Variants in SMURF2 observed in about 807,000 individuals in gnomAD.
SMURF2 encodes E3 ubiquitin-protein ligase SMURF2.
SMURF2 carries 48 observed loss-of-function variants against 109.6 expected under a neutral mutation model. That is an observed-to-expected ratio of 0.44 (90% CI 0.35 to 0.56). SMURF2 has a LOEUF of 0.56. Ranked by LOEUF, SMURF2 falls within the 20% of genes least tolerant of loss-of-function variation. The probability of loss-of-function intolerance (pLI) is 0.01; values close to 1 mark genes in which losing one functional copy is unlikely to be tolerated. For missense variants in SMURF2, 575 were observed against 909.0 expected, an observed-to-expected ratio of 0.63 and a Z score of 4.72; for synonymous variants, 288 against 317.1, an observed-to-expected ratio of 0.91 and a Z score of 0.97.
Position 64,581,892 on chromosome 17 carries a change from C to G in SMURF2, c.570-901G>C, listed in dbSNP as rs1193942620. ...TCCAGGAGGCAGAGGTTGCAGTGGG[C>G]AGAGGTTGCAGTGAGCCGAGATCGT... On this transcript the variant is annotated intron_variant, in intron 7 of 18. Transcript: ENST00000262435. The surrounding 1 kb of genome is among the most constrained non-coding windows in gnomAD (Gnocchi z 4.3). Among the ~76,000 whole-genome samples the G allele has an allele frequency of 6.7e-6, 1 of 150,146 alleles. No homozygotes were observed. The highest frequency in any genetic ancestry group is 1.5e-5 in the Non-Finnish European group (1 of 67,696).
chr17:64,583,353 G>A (rs1477943434), intron 7 of SMURF2, 108 bp downstream of exon 7: 3 of 834,664 alleles, frequency 3.6e-6, no homozygotes, highest in Non-Finnish European at 6.0e-6. Context: ...ACTGATCTAC[G>A]ACAGCAAAAA....
chr17:64,565,612 G>GA (rs576121373), intron 10 of SMURF2, among the ~76,000 whole-genome samples: 10,556 of 144,768 alleles, frequency 0.073, 744 homozygotes, highest in African/African-American at 0.19. Context: ...AACATGAAGG[G>GA]AAAAAAAAAA....
intron 10 of SMURF2, among the ~76,000 whole-genome samples, chr17:64,568,954 A>G (rs1308446419): frequency 2.0e-5 from 3 of 151,814 alleles, no homozygotes. Context: ...GTGAGCTGAG[A>G]TAGCACCACT....
At chr17:64,649,473 G>C (rs1227139231) in intron 1 of SMURF2, among the ~76,000 whole-genome samples, 4 of 152,170 alleles carry the variant, frequency 2.6e-5, no homozygotes, top group African/African-American at 9.7e-5. Context: ...GGAAGGAACA[G>C]AGAAGTATAG....
Position 64,547,643 on chromosome 17 carries a change from T to C in SMURF2, c.2028A>G (p.Thr676=). The change falls in exon 17 of 19, where the codon ACA becomes ACG. Residue 676 remains threonine (T), a synonymous_variant. Coordinates refer to ENST00000262435, the MANE Select transcript of SMURF2 (RefSeq NM_022739.4). This position sits in a 1 kb window ranked among gnomAD's most constrained non-coding sequence, Gnocchi z 4.2. ...CCTGCAGAGGCACTCGAGAGGATCC[T>C]GTCACAAACTGAAGCAATCTTGCTC... is the stretch of plus-strand genomic sequence containing the variant. ...ERRARLLQFV[T]GSSRVPLQGF... 6.2e-7 allele frequency: 1 copy of C among 1,613,842 alleles called. No homozygotes were observed. The highest frequency in any genetic ancestry group is 2.2e-5 in the East Asian group (1 of 44,856).
chr17:64,606,267 A>T (rs1969969114), intron 2 of SMURF2, among the ~76,000 whole-genome samples: 1 of 152,202 alleles, frequency 6.6e-6, no homozygotes, highest in African/African-American at 2.4e-5. Context: ...AAAGGAAGAA[A>T]GTGTTCACAA....
intron 7 of SMURF2, 92 bp downstream of exon 7, chr17:64,583,368 GA>G: frequency 8.4e-6 from 9 of 1,067,682 alleles, no homozygotes; most frequent in South Asian, 2.7e-5. Flanking sequence ...CAAAAACCAA[GA>G]AAAAAAATCT....
At chr17:64,639,220 TA>T (rs1970461933) in intron 1 of SMURF2, among the ~76,000 whole-genome samples, 1 of 152,178 alleles carries the variant, frequency 6.6e-6, no homozygotes, top group Non-Finnish European at 1.5e-5. Context: ...TAAAACTTTT[TA>T]AAAATTAACC....
intron 1 of SMURF2, among the ~76,000 whole-genome samples, chr17:64,614,231 T>C (rs2144686570): frequency 6.6e-6 from 1 of 152,270 alleles, no homozygotes; most frequent in South Asian, 2.1e-4. Context: ...CTTATATATA[T>C]GGAATTGAAA....
intron 2 of SMURF2, among the ~76,000 whole-genome samples, chr17:64,603,565 A>G (rs1461581017): frequency 6.7e-6 from 1 of 149,290 alleles, no homozygotes; most frequent in Non-Finnish European, 1.5e-5. Context: ...CGGGGGACAG[A>G]GCAAGACTCC....
chr17:64,607,368 C>T (rs1323453454), intron 1 of SMURF2, among the ~76,000 whole-genome samples: 2 of 152,136 alleles, frequency 1.3e-5, no homozygotes, highest in African/African-American at 4.8e-5. Flanking sequence ...TGGCTCACAC[C>T]CGTAATCCCA....
chr17:64,622,591 A>T (rs1256381812), intron 1 of SMURF2, among the ~76,000 whole-genome samples: 2 of 152,132 alleles, frequency 1.3e-5, no homozygotes, highest in Non-Finnish European at 2.9e-5. Flanking sequence ...CTAACTTCTC[A>T]TGATTAGACG....
intron 10 of SMURF2, among the ~76,000 whole-genome samples, chr17:64,570,951 T>A (rs1301892277): frequency 6.6e-6 from 1 of 152,082 alleles, no homozygotes; most frequent in African/African-American, 2.4e-5. Flanking sequence ...CAGCTAATTT[T>A]AAAAAAATTT....
intron 1 of SMURF2, among the ~76,000 whole-genome samples, chr17:64,656,212 C>G: frequency 6.6e-6 from 1 of 152,104 alleles, no homozygotes; most frequent in East Asian, 1.9e-4. Context: ...ATTTTGACTC[C>G]TAAGATAACA....
intron 10 of SMURF2, among the ~76,000 whole-genome samples, chr17:64,570,211 A>T (rs1447236247): frequency 2.0e-5 from 3 of 152,234 alleles, no homozygotes; most frequent in Admixed American, 2.0e-4. Flanking sequence ...GGACATTTTC[A>T]GAAGTCATTT....
chr17:64,564,821 G>A (rs1969277958), intron 10 of SMURF2, among the ~76,000 whole-genome samples: 1 of 152,138 alleles, frequency 6.6e-6, no homozygotes, highest in Non-Finnish European at 1.5e-5. Flanking sequence ...CTCCAGAATT[G>A]TGAGAGAATG....
Position 64,542,990 on chromosome 17 carries a change from C to G in SMURF2, c.*2858G>C, listed in dbSNP as rs1041113455. 2 of 152,056 alleles carry G rather than the reference C, an allele frequency of 1.3e-5. No individual in the cohort carries two copies. Among genetic ancestry groups the G allele is most frequent in the Non-Finnish European group, 2.9e-5 (2 of 68,026 alleles). 9.4% of individuals were successfully genotyped at this position (152,056 alleles called of 1,614,324 possible). ...TCTACAAAGGAATCTCTGTTCATAA[C>G]TAAGCATTCATGATGGAAAGGCAAG... On this transcript the variant is annotated 3_prime_UTR_variant, in exon 19 of 19. Transcript: ENST00000262435.
In SMURF2 at chr17:64,580,786, T is replaced by C. The variant is rs1555686479; in HGVS notation, c.772+3A>G. 6.2e-7 allele frequency: 1 copy of C among 1,613,720 alleles called. No homozygotes were observed. ...TTTTATTTTTCCTTTGTAGTTGTCA[T>C]ACCATAGCCTTCTGGTAGGTCTGGA... On this transcript the variant is annotated splice_donor_region_variant and intron_variant, in intron 8 of 18. Coordinates refer to ENST00000262435, the MANE Select transcript of SMURF2 (RefSeq NM_022739.4).
intron 9 of SMURF2, among the ~76,000 whole-genome samples, chr17:64,573,258 A>G (rs1178420027): frequency 5.4e-5 from 2 of 36,840 alleles, no homozygotes; most frequent in Admixed American, 3.7e-4. Flanking sequence ...GGAGGGGAGG[A>G]GGAGGAGGAG....
Sources: allele counts gnomAD v4.1 joint callset (sites outside exome capture counted in the v4.1 genomes callset), GRCh38; gene constraint gnomAD v4.1.1; non-coding constraint Gnocchi (gnomAD v3.1); transcripts MANE v1.5; gene names NCBI Gene and HGNC (gene_info 2026-07-23, HGNC 2026-07-21).